The following TSHZ3 variants were observed in gnomAD, a reference collection of about 807,000 sequenced individuals.
TSHZ3 encodes the protein teashirt zinc finger homeobox 3.
In TSHZ3, 10 loss-of-function variants were observed where a neutral mutation model predicts 64.5. The observed-to-expected ratio is 0.16, with a 90% CI of 0.10 to 0.26. The LOEUF (loss-of-function observed/expected upper bound fraction) is 0.26. Ranked by LOEUF, TSHZ3 falls within the 10% of genes least tolerant of loss-of-function variation. TSHZ3 has a pLI of 1.00. For synonymous variants in TSHZ3, 608 were observed against 593.1 expected, an observed-to-expected ratio of 1.03 and a Z score of -0.36; for missense variants, 1,242 against 1,421.7, an observed-to-expected ratio of 0.87 and a Z score of 2.03.
intron 1 of TSHZ3, among the ~76,000 whole-genome samples, chr19:31,339,267 G>A (rs1917353448): frequency 1.3e-5 from 2 of 151,872 alleles, no homozygotes; most frequent in Admixed American, 1.3e-4. Flanking sequence ...TGAGAAAGGG[G>A]GGAAAAAAAG....
At chr19:31,217,630 G>A (rs1975351106) in intron 4 of TSHZ3, among the ~76,000 whole-genome samples, 1 of 152,088 alleles carries the variant, frequency 6.6e-6, no homozygotes, top group African/African-American at 2.4e-5. Flanking sequence ...TGTTACAACT[G>A]ATGAACTGCA....
chr19:31,337,427 T>C (rs767297665), intron 1 of TSHZ3, among the ~76,000 whole-genome samples: 1 of 152,224 alleles, frequency 6.6e-6, no homozygotes, highest in Non-Finnish European at 1.5e-5. Flanking sequence ...GATGATGGCA[T>C]TTGTATCAAA....
chr19:31,187,077 T>G (rs542905595), intron 5 of TSHZ3, among the ~76,000 whole-genome samples: 14 of 152,130 alleles, frequency 9.2e-5, no homozygotes, highest in Non-Finnish European at 1.6e-4. Context: ...TTTTAACACA[T>G]GTAGAGATTC....
exon 7 of TSHZ3, among the ~76,000 whole-genome samples, chr19:31,151,146 AAG>A (rs1447281672): frequency 6.6e-6 from 1 of 152,178 alleles, no homozygotes; most frequent in Non-Finnish European, 1.5e-5. Flanking sequence ...AAGAGGAGAA[AAG>A]AGAGGAGGCA....
chr19:31,341,745 C>T (rs1043657644), intron 1 of TSHZ3, among the ~76,000 whole-genome samples: 1 of 152,078 alleles, frequency 6.6e-6, no homozygotes, highest in African/African-American at 2.4e-5. Flanking sequence ...TGCTAGCATT[C>T]TCCTGGCTCC....
intron 5 of TSHZ3, among the ~76,000 whole-genome samples, chr19:31,160,268 G>A (rs977393012): frequency 1.3e-5 from 2 of 152,210 alleles, no homozygotes; most frequent in African/African-American, 2.4e-5. Context: ...TCTAGGTGGT[G>A]TGCACGTGTT....
chr19:31,201,186 G>A (rs1975080773), intron 5 of TSHZ3, among the ~76,000 whole-genome samples: 1 of 152,146 alleles, frequency 6.6e-6, no homozygotes, highest in Non-Finnish European at 1.5e-5. Flanking sequence ...AGGTAGGTCT[G>A]GGGCAAATTG....
chr19:31,255,143 G>A (rs1975892802), intron 1 of TSHZ3, among the ~76,000 whole-genome samples: 1 of 152,176 alleles, frequency 6.6e-6, no homozygotes, highest in Non-Finnish European at 1.5e-5. Context: ...AGGAGATGAG[G>A]TTTCCACTGT....
chr19:31,336,408 C>T (rs1468829112), intron 1 of TSHZ3, among the ~76,000 whole-genome samples: 1 of 152,122 alleles, frequency 6.6e-6, no homozygotes, highest in African/African-American at 2.4e-5. Flanking sequence ...TGTGGGACCA[C>T]ACGGAGACAG....
chr19:31,229,415 G>T (rs963685645), intron 3 of TSHZ3, among the ~76,000 whole-genome samples: 5 of 152,130 alleles, frequency 3.3e-5, no homozygotes, highest in Non-Finnish European at 5.9e-5. Context: ...AGTCTCTGGG[G>T]GAAATGATGC....
chr19:31,187,635 T>C (rs1974833416), intron 5 of TSHZ3, among the ~76,000 whole-genome samples: 1 of 152,132 alleles, frequency 6.6e-6, no homozygotes, highest in African/African-American at 2.4e-5. Context: ...AGGTAGGGTT[T>C]AGTTTTTATT....
At chr19:31,177,698 AGATCTTTG>A (rs1201203255) in intron 5 of TSHZ3, among the ~76,000 whole-genome samples, 7 of 152,244 alleles carry the variant, frequency 4.6e-5, no homozygotes, top group Admixed American at 4.6e-4. Flanking sequence ...GGAAGCAAAT[AGATCTTTG>A]GGGGTTGCTT....
chr19:31,185,665 CTT>C (rs1974795375), intron 5 of TSHZ3, among the ~76,000 whole-genome samples: 1 of 152,158 alleles, frequency 6.6e-6, no homozygotes, highest in Non-Finnish European at 1.5e-5. Flanking sequence ...ACATTATTTT[CTT>C]TTTAATCAAG....
At chr19:31,255,673 G>A (rs899336142) in intron 1 of TSHZ3, among the ~76,000 whole-genome samples, 1 of 152,124 alleles carries the variant, frequency 6.6e-6, no homozygotes, top group African/African-American at 2.4e-5. Context: ...GGTTTCTGGG[G>A]GCAGGGTCAG....
intron 1 of TSHZ3, among the ~76,000 whole-genome samples, chr19:31,254,680 C>G (rs996646695): frequency 1.4e-4 from 22 of 152,328 alleles, no homozygotes; most frequent in African/African-American, 5.3e-4. Flanking sequence ...AGTTCTAGTT[C>G]TTGCCCTAGC....
chr19:31,321,763 T>C (rs1916778473), intron 1 of TSHZ3, among the ~76,000 whole-genome samples: 1 of 152,068 alleles, frequency 6.6e-6, no homozygotes, highest in African/African-American at 2.4e-5. Flanking sequence ...GTTGATTACA[T>C]ATTTATTAAA....
intron 1 of TSHZ3, among the ~76,000 whole-genome samples, chr19:31,289,768 T>C (rs1392373305): frequency 2.0e-5 from 3 of 152,096 alleles, no homozygotes; most frequent in Non-Finnish European, 4.4e-5. Context: ...CTGGGCCGCG[T>C]TCTCCTCCAG....
intron 1 of TSHZ3, among the ~76,000 whole-genome samples, chr19:31,311,345 A>T (rs1916454252): frequency 6.6e-6 from 1 of 152,236 alleles, no homozygotes; most frequent in African/African-American, 2.4e-5. Flanking sequence ...GATCAAGAGC[A>T]TTCGTGTCTG....
In TSHZ3 at chr19:31,308,890, C is replaced by T. The variant is rs143725829; in HGVS notation, c.41-29138G>A. Among the ~76,000 whole-genome samples, 1,046 of 152,348 alleles carry T rather than the reference C, an allele frequency of 6.9e-3. 4 individuals carry two copies. The highest frequency in any genetic ancestry group is 0.011 in the Non-Finnish European group (721 of 68,034). On this transcript the variant is annotated intron_variant, in intron 1 of 1. Transcript: ENST00000240587. ...AGGACTGACCAGAGGCACCACGAGG[C>T]GTTCATAACAGAGCTGAGACCAGAT...
Sources: allele counts gnomAD v4.1 joint callset (sites outside exome capture counted in the v4.1 genomes callset), GRCh38; gene constraint gnomAD v4.1.1; transcripts MANE v1.5; gene names NCBI Gene and HGNC (gene_info 2026-07-23, HGNC 2026-07-21).